Variants in WWOX observed in about 807,000 individuals in gnomAD.
The protein encoded by WWOX is WW domain-containing oxidoreductase.
Under a neutral mutation model 46.2 loss-of-function variants are expected in WWOX, and 69 were observed. The observed-to-expected ratio is 1.49, with a 90% CI of 1.23 to 1.82. WWOX has a LOEUF of 1.82. Among genes scored for constraint, WWOX ranks in the 40% most tolerant of loss-of-function variants. The pLI is 0.00. For missense variants in WWOX, 919 were observed against 542.6 expected, an observed-to-expected ratio of 1.69 and a Z score of -6.89; for synonymous variants, 359 against 202.6, an observed-to-expected ratio of 1.77 and a Z score of -6.56.
At chr16:78,529,642 T>TA (rs2043570884) in intron 8 of WWOX, among the ~76,000 whole-genome samples, 1 of 151,950 alleles carries the variant, frequency 6.6e-6, no homozygotes, top group South Asian at 2.1e-4. Flanking sequence ...ATTTTTTTTT[T>TA]ATTTTTAGTA....
intron 8 of WWOX, among the ~76,000 whole-genome samples, chr16:78,968,198 G>T (rs1010911968): frequency 6.6e-6 from 1 of 151,974 alleles, no homozygotes; most frequent in Non-Finnish European, 1.5e-5. Context: ...TGCGTGGTCT[G>T]CATGGCACAG....
chr16:78,588,263 G>C (rs1184014938), intron 8 of WWOX, among the ~76,000 whole-genome samples: 1 of 152,326 alleles, frequency 6.6e-6, no homozygotes, highest in East Asian at 1.9e-4. Flanking sequence ...CTTGCAGTTG[G>C]CAAACAGAAG....
intron 5 of WWOX, among the ~76,000 whole-genome samples, chr16:78,321,319 TATATATAC>T (rs2080467465): frequency 1.1e-4 from 8 of 75,076 alleles, no homozygotes; most frequent in East Asian, 8.3e-4. Flanking sequence ...TATATGCGTA[TATATATAC>T]GTATATATGC....
At chr16:78,833,306 C>G (rs145364374) in intron 8 of WWOX, among the ~76,000 whole-genome samples, 64 of 152,232 alleles carry the variant, frequency 4.2e-4, no homozygotes, top group Middle Eastern at 3.4e-3. Flanking sequence ...CTCATTCTCT[C>G]AAAGCACTGG....
At chr16:78,466,740 T>G (rs112902803) in intron 8 of WWOX, among the ~76,000 whole-genome samples, 2 of 151,964 alleles carry the variant, frequency 1.3e-5, no homozygotes, top group African/African-American at 4.8e-5. Context: ...CCCAGCTACT[T>G]AGGAGGCTGA....
chr16:79,014,638 A>C (rs1234473719), intron 8 of WWOX, among the ~76,000 whole-genome samples: 1 of 152,124 alleles, frequency 6.6e-6, no homozygotes, highest in Admixed American at 6.5e-5. Context: ...GACTTTGAAT[A>C]GTTTATTAAT....
At chr16:78,798,029 T>C (rs2050789508) in intron 8 of WWOX, among the ~76,000 whole-genome samples, 1 of 152,120 alleles carries the variant, frequency 6.6e-6, no homozygotes. Flanking sequence ...ACTGGAGCTA[T>C]GAGAAATCTT....
chr16:78,422,202 C>T (rs896577996), intron 6 of WWOX, among the ~76,000 whole-genome samples: 1 of 152,064 alleles, frequency 6.6e-6, no homozygotes, highest in Non-Finnish European at 1.5e-5. Context: ...AAATATGGGG[C>T]TTCTATATGA....
chr16:78,674,410 G>C (rs144926219), intron 8 of WWOX, among the ~76,000 whole-genome samples: 1 of 151,542 alleles, frequency 6.6e-6, no homozygotes, highest in Non-Finnish European at 1.5e-5. Context: ...TCAGCCTCCT[G>C]AGTAGCTGGA....
rs745846599 is a variant in WWOX at position 79,211,663 on chromosome 16, T to A, written c.1112T>A (p.Leu371Gln). 1.9e-6 allele frequency: 3 copies of A among 1,614,220 alleles called. No homozygotes were observed. The highest frequency in any genetic ancestry group is 2.5e-6 in the Non-Finnish European group (3 of 1,180,032). The change falls in exon 9 of 9, where the codon CTG becomes CAG. Residue 371 changes from leucine (L) to glutamine (Q), a missense_variant. Physicochemically the swap from Leu to Gln is moderately radical, Grantham distance 113. Transcript: ENST00000566780. The stretch of plus-strand genomic sequence containing the variant: ...GCTGCTGTCCCAGAACTGGAGGGTC[T>A]GGGAGGGATGTACTTCAACAACTGC... The part of the protein sequence containing the change: ...YCAAVPELEG[L>Q]GGMYFNNCCR...
In WWOX at chr16:78,481,645, A is replaced by AAAAAAAAGAT. The variant is rs79950393; in HGVS notation, c.1056+48894_1056+48895insAAAAAAGATA. Among the ~76,000 whole-genome samples, 103 of 148,744 alleles carry AAAAAAAAGAT rather than the reference A, an allele frequency of 6.9e-4. 1 individual carries two copies. The highest frequency in any genetic ancestry group is 2.8e-4 in the Non-Finnish European group (19 of 67,400). On this transcript the variant is annotated intron_variant, in intron 8 of 8. Transcript: ENST00000566780. Reference sequence around the variant, plus strand: ...AGTTGATGGAATTGTGAAAAAAAAAAAGAATGTTTTCCCAACAATTTGGCT... The same window carrying AAAAAAAAGAT: ...AGTTGATGGAATTGTGAAAAAAAAAAAAAAAAAGATAGAATGTTTTCCCAACAATTTGGCT...
chr16:78,594,755 A>G (rs1377332538), intron 8 of WWOX, among the ~76,000 whole-genome samples: 2 of 151,974 alleles, frequency 1.3e-5, no homozygotes. Flanking sequence ...ACACTTATTT[A>G]AGTTTTTATT....
chr16:78,807,668 C>T (rs914492493), intron 8 of WWOX, among the ~76,000 whole-genome samples: 2 of 152,150 alleles, frequency 1.3e-5, no homozygotes, highest in African/African-American at 2.4e-5. Flanking sequence ...GGGCGCCAGC[C>T]TGTAATGGGC....
intron 5 of WWOX, among the ~76,000 whole-genome samples, chr16:78,249,225 G>A (rs553438123): frequency 2.0e-5 from 3 of 152,208 alleles, no homozygotes; most frequent in Non-Finnish European, 4.4e-5. Context: ...AGTGGTGGCG[G>A]TGGAGGTGTT....
intron 4 of WWOX, among the ~76,000 whole-genome samples, chr16:78,118,130 C>G (rs1243086982): frequency 6.6e-6 from 1 of 151,580 alleles, no homozygotes. Context: ...GGGGACATCC[C>G]TCCCTTGATA....
chr16:79,044,137 T>C (rs1023642966), intron 8 of WWOX, among the ~76,000 whole-genome samples: 2 of 152,176 alleles, frequency 1.3e-5, no homozygotes, highest in African/African-American at 4.8e-5. Context: ...GAACACGTAC[T>C]GGGAATCCCA....
intron 8 of WWOX, among the ~76,000 whole-genome samples, chr16:79,009,903 T>G (rs1468505769): frequency 2.0e-5 from 3 of 152,202 alleles, no homozygotes; most frequent in Non-Finnish European, 2.9e-5. Flanking sequence ...GCTTTGGAAC[T>G]TATCAAGTTG....
chr16:78,319,149 A>G (rs752007115), intron 5 of WWOX, among the ~76,000 whole-genome samples: 1 of 152,056 alleles, frequency 6.6e-6, no homozygotes, highest in Non-Finnish European at 1.5e-5. Flanking sequence ...ACCGCCACAC[A>G]TTGCTGGCTT....
chr16:78,429,519 T>C (rs2083167915), intron 7 of WWOX, among the ~76,000 whole-genome samples: 1 of 152,110 alleles, frequency 6.6e-6, no homozygotes, highest in Non-Finnish European at 1.5e-5. Context: ...GAAGGGTTTC[T>C]GGAAGCAGTT....
Sources: gnomAD v4.1 joint callset for allele counts (sites outside exome capture counted in the v4.1 genomes callset) on GRCh38, gnomAD v4.1.1 for gene constraint, MANE v1.5 for transcripts, NCBI Gene and HGNC (gene_info 2026-07-23, HGNC 2026-07-21) for gene names.